Variants in CNTLN observed in about 807,000 individuals in gnomAD.
CNTLN encodes the protein centlein, centrosomal protein.
A neutral mutation model predicts 180.0 loss-of-function variants in CNTLN; 212 were observed. The ratio of observed to expected loss-of-function variants is 1.18; its 90% CI spans 1.05 to 1.32. The LOEUF is 1.32. CNTLN is among the 40% of genes most tolerant of loss of function. The probability of loss-of-function intolerance (pLI) is 0.00; values close to 1 mark genes in which losing one functional copy is unlikely to be tolerated. For synonymous variants in CNTLN, 722 were observed against 563.1 expected, an observed-to-expected ratio of 1.28 and a Z score of -3.99; for missense variants, 2,095 against 1,610.9, an observed-to-expected ratio of 1.30 and a Z score of -5.14.
intron 2 of CNTLN, among the ~76,000 whole-genome samples, chr9:17,194,054 C>G (rs1479502778): frequency 1.3e-5 from 2 of 152,212 alleles, no homozygotes; most frequent in African/African-American, 4.8e-5. Context: ...GGACACAGGG[C>G]ACCAAGTCCC....
intron 13 of CNTLN, among the ~76,000 whole-genome samples, chr9:17,375,203 T>C (rs140474799): frequency 1.3e-5 from 2 of 152,086 alleles, no homozygotes; most frequent in Non-Finnish European, 2.9e-5. Flanking sequence ...CACTTATTGG[T>C]GGGAGCTAAA....
intron 23 of CNTLN, among the ~76,000 whole-genome samples, chr9:17,478,511 T>G (rs773841271): frequency 5.3e-5 from 8 of 152,112 alleles, no homozygotes; most frequent in Non-Finnish European, 1.2e-4. Context: ...TTAAAATGTT[T>G]TCTTGTAGGA....
chr9:17,258,737 T>C (rs1826710973), intron 5 of CNTLN, among the ~76,000 whole-genome samples: 2 of 146,302 alleles, frequency 1.4e-5, no homozygotes, highest in South Asian at 2.3e-4. Context: ...TTTGAAGCAG[T>C]TGTGAATGTG....
At chr9:17,318,805 T>C (rs551219122) in intron 8 of CNTLN, among the ~76,000 whole-genome samples, 2 of 152,246 alleles carry the variant, frequency 1.3e-5, no homozygotes, top group African/African-American at 4.8e-5. Flanking sequence ...TAGTATTCAG[T>C]CCAACTAGAC....
At chr9:17,428,074 T>C (rs1464819286) in intron 18 of CNTLN, among the ~76,000 whole-genome samples, 2 of 152,118 alleles carry the variant, frequency 1.3e-5, no homozygotes, top group South Asian at 2.1e-4. Context: ...AGGGAGAGAA[T>C]GGTTGGTTTT....
In CNTLN at chr9:17,144,817, ATTTTATTTTATTTT is replaced by A. The variant is rs1383312983; in HGVS notation, c.449+1460_449+1473del. Reference sequence around the variant, plus strand: ...TTATACTTGGAGAATTTATTTATTTATTTTATTTTATTTTTTTTATTTTATTTTTTTTTTTGAGA... The same window carrying A: ...TTATACTTGGAGAATTTATTTATTTATTTTATTTTATTTTTTTTTTTGAGA... On this transcript the variant is annotated intron_variant, in intron 2 of 25. Coordinates refer to ENST00000380647, the MANE Select transcript of CNTLN (RefSeq NM_017738.4). Among the ~76,000 whole-genome samples the A allele has an allele frequency of 7.5e-4, 111 of 148,750 alleles. 1 individual carries two copies. Among genetic ancestry groups the A allele is most frequent in the African/African-American group, 1.6e-3 (66 of 40,724 alleles).
At chr9:17,516,429 T>C in the CNTLN span, among the ~76,000 whole-genome samples, 1 of 152,216 alleles carries the variant, frequency 6.6e-6, no homozygotes, top group Admixed American at 6.5e-5. Context: ...TTATGTGATA[T>C]GGGAACCTTC....
At chr9:17,523,577 A>G in the CNTLN span, among the ~76,000 whole-genome samples, 4 of 152,178 alleles carry the variant, frequency 2.6e-5, no homozygotes, top group Non-Finnish European at 4.4e-5. Context: ...GTGAAAATAA[A>G]TATAGATATA....
At chr9:17,430,865 T>C (rs888297203) in intron 18 of CNTLN, among the ~76,000 whole-genome samples, 6 of 152,156 alleles carry the variant, frequency 3.9e-5, no homozygotes, top group Admixed American at 1.3e-4. Context: ...TCCCATCTTA[T>C]TGGAAATGAC....
intron 16 of CNTLN, among the ~76,000 whole-genome samples, chr9:17,412,379 C>T (rs1827914773): frequency 6.6e-6 from 1 of 152,116 alleles, no homozygotes; most frequent in Admixed American, 6.5e-5. Flanking sequence ...TCCAGGAAAA[C>T]CTCAACTATA....
chr9:17,327,171 T>A lies in CNTLN; in HGVS notation c.1342-3461T>A, dbSNP rs186769799. On this transcript the variant is annotated intron_variant, in intron 8 of 25. Coordinates refer to ENST00000380647, the MANE Select transcript of CNTLN (RefSeq NM_017738.4). ...TGTTGTAAAAAATAAAGTCTATTAA[T>A]TTTTAAAAAGTATGTTAAATGACAA... Among the ~76,000 whole-genome samples the A allele has an allele frequency of 5.1e-3, 780 of 152,118 alleles. 5 individuals are homozygous for A. Among genetic ancestry groups the A allele is most frequent in the African/African-American group, 0.018 (748 of 41,504 alleles).
At position 17,466,798 on chromosome 9, in the gene CNTLN, A is replaced by G. The variant is rs1187032071; in HGVS notation, c.3762A>G (p.Glu1254=). ...CAGCAGCATCTAAGCAGCTTCAAGA[A>G]TTAGCATTGCAAAGTGAACAGGTCC... The part of the protein sequence containing the change: ...IETAASKQLQ[E]LALQSEQVLE... The change falls in exon 23 of 26, where the codon GAA becomes GAG. Residue 1254 remains glutamate (E), a synonymous_variant. Transcript: ENST00000380647. 1.2e-6 allele frequency: 2 copies of G among 1,611,100 alleles called. No homozygotes were observed. Among genetic ancestry groups the G allele is most frequent in the African/African-American group, 1.3e-5 (1 of 74,698 alleles).
chr9:17,473,510 C>G (rs1202494873), intron 23 of CNTLN, among the ~76,000 whole-genome samples: 1 of 151,626 alleles, frequency 6.6e-6, no homozygotes, highest in Admixed American at 6.6e-5. Flanking sequence ...GACTTTGGCC[C>G]TGTAGTTTCA....
intron 13 of CNTLN, among the ~76,000 whole-genome samples, chr9:17,381,453 C>T (rs1825249004): frequency 6.6e-6 from 1 of 152,176 alleles, no homozygotes; most frequent in African/African-American, 2.4e-5. Flanking sequence ...TTATTAGGTA[C>T]ATTTTTTGCC....
At chr9:17,283,319 G>A (rs533093720) in intron 6 of CNTLN, among the ~76,000 whole-genome samples, 26 of 152,166 alleles carry the variant, frequency 1.7e-4, no homozygotes, top group Middle Eastern at 6.8e-3. Context: ...CACTTCTCTT[G>A]TTAGCTGTAT....
At chr9:17,512,555 C>T in the CNTLN span, among the ~76,000 whole-genome samples, 1 of 152,110 alleles carries the variant, frequency 6.6e-6, no homozygotes. Context: ...CTACCTGTTG[C>T]ATACTATGTT....
intron 8 of CNTLN, among the ~76,000 whole-genome samples, chr9:17,327,995 A>T (rs1320621954): frequency 2.0e-5 from 3 of 152,144 alleles, no homozygotes; most frequent in Admixed American, 2.0e-4. Flanking sequence ...GTCCATTGTA[A>T]AATCTTTAAG....
intron 2 of CNTLN, among the ~76,000 whole-genome samples, chr9:17,187,495 A>C (rs984181377): frequency 3.3e-5 from 5 of 152,034 alleles, no homozygotes; most frequent in East Asian, 1.9e-4. Context: ...TAGACCTACT[A>C]TCTAGGGATA....
At position 17,166,751 on chromosome 9, in the gene CNTLN, G is replaced by C. The variant is rs1474446336; in HGVS notation, c.449+23375G>C. On this transcript the variant is annotated intron_variant, in intron 2 of 25. Coordinates refer to ENST00000380647, the MANE Select transcript of CNTLN (RefSeq NM_017738.4). ...CTATAACCAGCCAGATATTAATCAA[G>C]TTTAAAGTAATAATAAAGACGTTTT... 1.7e-5 allele frequency: 5 copies of C among 287,508 alleles called. 1 individual carries two copies. Among genetic ancestry groups the C allele is most frequent in the Non-Finnish European group, 3.5e-5 (5 of 143,028 alleles). The allele number at this position is 287,508 out of a possible 1,614,324, so 17.8% of individuals were successfully genotyped here.
Sources: allele counts gnomAD v4.1 joint callset (sites outside exome capture counted in the v4.1 genomes callset), GRCh38; gene constraint gnomAD v4.1.1; transcripts MANE v1.5; gene names NCBI Gene and HGNC (gene_info 2026-07-23, HGNC 2026-07-21).